ABLIM3: variants seen among roughly 807,000 people sequenced by gnomAD.
The protein encoded by ABLIM3 is actin binding LIM protein family member 3.
A neutral mutation model predicts 109.5 loss-of-function variants in ABLIM3; 61 were observed. The ratio of observed to expected loss-of-function variants is 0.56; its 90% CI spans 0.45 to 0.69. The LOEUF (loss-of-function observed/expected upper bound fraction) is 0.69, where lower values mean the gene tolerates loss of function less well. Ranked by LOEUF, ABLIM3 falls within the 30% of genes least tolerant of loss-of-function variation. ABLIM3 has a pLI of 0.00. For missense variants in ABLIM3, 796 were observed against 889.5 expected (o/e 0.89, Z 1.34); for synonymous variants, 300 against 324.8 (o/e 0.92, Z 0.82).
chr5:149,203,120 T>G (rs1758636474), intron 5 of ABLIM3, among the ~76,000 whole-genome samples: 1 of 151,618 alleles, frequency 6.6e-6, no homozygotes, highest in Non-Finnish European at 1.5e-5. Context: ...CTCACCATCA[T>G]CATCACTAAC....
chr5:149,166,888 A>C (rs550166244), intron 2 of ABLIM3, among the ~76,000 whole-genome samples: 6 of 152,318 alleles, frequency 3.9e-5, no homozygotes, highest in African/African-American at 1.4e-4. Context: ...ATAAAACTTT[A>C]TTTACAAAGA....
At chr5:149,152,378 C>A (rs1031685588) in intron 2 of ABLIM3, among the ~76,000 whole-genome samples, 2 of 152,138 alleles carry the variant, frequency 1.3e-5, no homozygotes, top group Non-Finnish European at 2.9e-5. Context: ...GGAGAAAATC[C>A]TGTCTGAAGT....
At position 149,233,933 on chromosome 5, in the gene ABLIM3, A is replaced by G. The variant is rs142749791; in HGVS notation, c.888+633A>G. On this transcript the variant is annotated intron_variant, in intron 10 of 23. Coordinates refer to ENST00000309868, the MANE Select transcript of ABLIM3 (RefSeq NM_014945.5). ...GAAGAAGAGACAGAAGTTGAGTTCA[A>G]TGACCTCAGAGGCCCCTTGTATATG... is the stretch of plus-strand genomic sequence containing the variant. Among the ~76,000 whole-genome samples, 24 of 152,350 alleles carry G rather than the reference A, an allele frequency of 1.6e-4. No individual in the cohort carries two copies. In the East Asian group the frequency reaches 3.9e-3, roughly 24 times the overall value.
chr5:149,225,982 G>GTATATATATATATATA, intron 8 of ABLIM3, among the ~76,000 whole-genome samples: 1 of 45,510 alleles, frequency 2.2e-5, no homozygotes, highest in Non-Finnish European at 4.0e-5. Context: ...GTGTGTGTGT[G>GTATATATATATATATA]TATATATATA....
intron 2 of ABLIM3, among the ~76,000 whole-genome samples, chr5:149,159,788 C>T (rs977727180): frequency 1.1e-4 from 16 of 152,178 alleles, no homozygotes; most frequent in African/African-American, 3.9e-4. Flanking sequence ...AACCTCCTCT[C>T]CAACTTATTT....
At chr5:149,253,289 A>T (rs555415333) in intron 23 of ABLIM3, among the ~76,000 whole-genome samples, 90 of 152,266 alleles carry the variant, frequency 5.9e-4, no homozygotes, top group African/African-American at 2.1e-3. Flanking sequence ...GGGAGGCAGC[A>T]CTATGTGGAA....
chr5:149,248,356 G>T (rs1291509021), intron 18 of ABLIM3, among the ~76,000 whole-genome samples: 1 of 152,088 alleles, frequency 6.6e-6, no homozygotes, highest in East Asian at 1.9e-4. Flanking sequence ...CCATTGCTTT[G>T]GGGCATCTGA....
chr5:149,194,958 CTA>C, intron 3 of ABLIM3, among the ~76,000 whole-genome samples: 1 of 152,192 alleles, frequency 6.6e-6, no homozygotes. Flanking sequence ...TACATTTTCT[CTA>C]TGTATAATAT....
chr5:149,171,284 T>G (rs1755393966), intron 2 of ABLIM3, among the ~76,000 whole-genome samples: 1 of 152,250 alleles, frequency 6.6e-6, no homozygotes, highest in Non-Finnish European at 1.5e-5. Flanking sequence ...AGTCTCATTT[T>G]ATTAGTAGTA....
intron 7 of ABLIM3, among the ~76,000 whole-genome samples, chr5:149,214,574 C>G (rs1759864683): frequency 6.6e-6 from 1 of 152,148 alleles, no homozygotes; most frequent in African/African-American, 2.4e-5. Context: ...GAAGAGGTAG[C>G]CCCACCAAGG....
At chr5:149,240,389 G>C in intron 13 of ABLIM3, 1 of 490,708 alleles carries the variant, frequency 2.0e-6, no homozygotes, top group South Asian at 2.6e-5. Context: ...GGGGAGATAA[G>C]AGGTTCAAAC....
At chr5:149,217,128 CT>C (rs1300320644) in intron 8 of ABLIM3, 82 bp downstream of exon 8, 4 of 1,348,294 alleles carry the variant, frequency 3.0e-6, no homozygotes, top group Non-Finnish European at 4.2e-6. Flanking sequence ...TCAGTGTTAT[CT>C]TGGCTTCAGG....
chr5:149,251,208 A>C lies in ABLIM3; in HGVS notation c.1789-151A>C, dbSNP rs1753891192. The C allele has an allele frequency of 4.1e-6, 3 of 725,308 alleles. No individual in the cohort carries two copies. In the East Asian group the frequency reaches 8.2e-5, roughly 20 times the overall value. The allele number at this position is 725,308 out of a possible 1,614,324, so 44.9% of individuals were successfully genotyped here. A position where few individuals can be genotyped will look rare whatever the true frequency, so the allele number is the denominator to read the frequency against. On this transcript the variant is annotated intron_variant, in intron 20 of 23. Coordinates refer to ENST00000309868, the MANE Select transcript of ABLIM3 (RefSeq NM_014945.5). Reference sequence around the variant, plus strand: ...CCAGGACAAAGCACAGGGATATAGCAGCGAGTTAAGTTTCCCTAACTTGAG... The same window carrying C: ...CCAGGACAAAGCACAGGGATATAGCCGCGAGTTAAGTTTCCCTAACTTGAG...
chr5:149,149,195 T>C lies in ABLIM3; in HGVS notation c.13+7087T>C, dbSNP rs138773080. On this transcript the variant is annotated intron_variant, in intron 2 of 23. Transcript: ENST00000309868. ...TCGAGTTCAAACTCAAGATCTATCATGTACTCTCTCTGTGGTCTTGGACAG... is the reference window on the plus strand; with the variant it reads ...TCGAGTTCAAACTCAAGATCTATCACGTACTCTCTCTGTGGTCTTGGACAG... 3.6e-3 allele frequency among the ~76,000 whole-genome samples: 548 copies of C among 152,358 alleles called. 2 individuals are homozygous for C. Among genetic ancestry groups the C allele is most frequent in the Admixed American group, 8.6e-3 (131 of 15,302 alleles).
At chr5:149,230,585 G>T in intron 8 of ABLIM3, 64 bp from the exon 9 acceptor site, 1 of 1,549,514 alleles carries the variant, frequency 6.5e-7, no homozygotes, top group South Asian at 1.1e-5. Context: ...ATCAAGGTGG[G>T]ACATGGGGAG....
At chr5:149,168,986 T>G (rs910628675) in intron 2 of ABLIM3, among the ~76,000 whole-genome samples, 1 of 148,740 alleles carries the variant, frequency 6.7e-6, no homozygotes, top group African/African-American at 2.6e-5. Flanking sequence ...ACCCCGGTGA[T>G]TCTGAAGCAG....
At chr5:149,253,092 T>TC (rs35124764) in intron 23 of ABLIM3, among the ~76,000 whole-genome samples, 74 of 152,200 alleles carry the variant, frequency 4.9e-4, no homozygotes, top group Non-Finnish European at 8.5e-4. Flanking sequence ...CCCCAAAACT[T>TC]CCCCATGCTG....
chr5:149,255,981 G>A (rs1754390656), intron 23 of ABLIM3, among the ~76,000 whole-genome samples: 1 of 152,196 alleles, frequency 6.6e-6, no homozygotes, highest in Admixed American at 6.5e-5. Context: ...TGAAGTTCAG[G>A]AGGGGTTAGG....
chr5:149,247,683 T>A, intron 17 of ABLIM3, 99 bp from the exon 18 acceptor site: 1 of 1,480,448 alleles, frequency 6.8e-7, no homozygotes, highest in East Asian at 2.3e-5. Context: ...GAGAGCAGGC[T>A]GCTATGGAGG....
Sources: allele counts gnomAD v4.1 joint callset (sites outside exome capture counted in the v4.1 genomes callset), GRCh38; gene constraint gnomAD v4.1.1; transcripts MANE v1.5; gene names NCBI Gene and HGNC (gene_info 2026-07-23, HGNC 2026-07-21).